Variants in IGF2BP1 observed in about 807,000 individuals in gnomAD.
IGF2BP1 encodes the protein insulin-like growth factor 2 mRNA-binding protein 1.
In IGF2BP1, 11 loss-of-function variants were observed where a neutral mutation model predicts 74.9. The observed-to-expected ratio is 0.15, with a 90% confidence interval of 0.09 to 0.24. IGF2BP1 has a LOEUF of 0.24. Ranked by LOEUF, IGF2BP1 falls within the 10% of genes least tolerant of loss-of-function variation. The probability of loss-of-function intolerance (pLI) is 1.00; values close to 1 mark genes in which losing one functional copy is unlikely to be tolerated. For synonymous variants in IGF2BP1, 287 were observed against 281.8 expected, an observed-to-expected ratio of 1.02 and a Z score of -0.18; for missense variants, 440 against 757.4, an observed-to-expected ratio of 0.58 and a Z score of 4.92.
intron 4 of IGF2BP1, among the ~76,000 whole-genome samples, chr17:49,031,246 T>C (rs2041918110): frequency 6.6e-6 from 1 of 152,170 alleles, no homozygotes; most frequent in Admixed American, 6.5e-5. Context: ...TAGCTGGGAC[T>C]ACAAGGGTGC....
chr17:49,035,432 T>C (rs1307119440), intron 5 of IGF2BP1, among the ~76,000 whole-genome samples: 1 of 152,242 alleles, frequency 6.6e-6, no homozygotes, highest in African/African-American at 2.4e-5. Context: ...TAGTGAGCAA[T>C]AGAACTAAGA....
chr17:48,999,938 G>GTA, intron 2 of IGF2BP1, among the ~76,000 whole-genome samples: 1 of 150,694 alleles, frequency 6.6e-6, no homozygotes, highest in African/African-American at 2.5e-5. Context: ...GTGTGTGTGT[G>GTA]TGTGTGTGTG....
chr17:49,042,993 T>C lies in IGF2BP1; in HGVS notation c.1078-435T>C, dbSNP rs368660100. ...GCCACTGCACACAACTCATCTGATT[T>C]TTAAAGGAGACTTGGGGTTGGGGTA... On this transcript the variant is annotated intron_variant, in intron 9 of 14. Coordinates refer to ENST00000290341, the MANE Select transcript of IGF2BP1 (RefSeq NM_006546.4). Among the ~76,000 whole-genome samples the C allele has an allele frequency of 7.2e-5, 11 of 152,244 alleles. No individual in the cohort carries two copies. In the South Asian group the frequency reaches 1.5e-3, roughly 20 times the overall value.
In IGF2BP1 at chr17:49,007,775, T is replaced by C. The variant is rs1259035426; in HGVS notation, c.236+8606T>C. Among the ~76,000 whole-genome samples, 3 of 152,182 alleles carry C rather than the reference T, an allele frequency of 2.0e-5. No homozygotes were observed. The East Asian group carries it at 5.8e-4, about 29-fold the overall frequency. ...GAGGATGTCTATTCAAAGTTAGAAA[T>C]ATTTATTCTACTTCCTCCTTAAGGT... On this transcript the variant is annotated intron_variant, in intron 2 of 14. Transcript: ENST00000290341.
chr17:49,041,604 C>G (rs1199597674), intron 8 of IGF2BP1, 104 bp downstream of exon 8: 9 of 1,417,262 alleles, frequency 6.4e-6, no homozygotes, highest in Non-Finnish European at 8.7e-6. Flanking sequence ...AAAATGGGTG[C>G]TCCTTCTGCC....
intron 5 of IGF2BP1, among the ~76,000 whole-genome samples, chr17:49,032,943 G>A (rs2041942342): frequency 6.6e-6 from 1 of 152,062 alleles, no homozygotes; most frequent in Non-Finnish European, 1.5e-5. Context: ...AGCCTCCCAA[G>A]TAGGTGGGAC....
At chr17:49,046,748 G>A (rs865901934) in intron 14 of IGF2BP1, among the ~76,000 whole-genome samples, 1 of 151,816 alleles carries the variant, frequency 6.6e-6, no homozygotes, top group Non-Finnish European at 1.5e-5. Flanking sequence ...TTTGTTCATG[G>A]AATAATGATA....
In IGF2BP1 at chr17:49,038,874, A is replaced by ATCTTTT. The variant is rs1491495832; in HGVS notation, c.683+426_683+427insCTTTTT. Among the ~76,000 whole-genome samples, 56 of 75,274 alleles carry ATCTTTT rather than the reference A, an allele frequency of 7.4e-4. 5 individuals carry two copies. The highest frequency in any genetic ancestry group is 2.8e-3 in the African/African-American group (50 of 17,862). 49.4% of individuals were successfully genotyped at this position (75,274 alleles called of 152,430 possible). On this transcript the variant is annotated intron_variant, in intron 6 of 14. Transcript: ENST00000290341. ...CTGCCACTGCCACCTTCTTTCTTTA[A>ATCTTTT]TATTTTTTTTTTTTTTTTTTTGAGA... is the stretch of plus-strand genomic sequence containing the variant.
At chr17:48,996,758 C>T (rs1277397164), upstream of IGF2BP1, among the ~76,000 whole-genome samples, 1 of 152,172 alleles carries the variant, frequency 6.6e-6, no homozygotes, top group Non-Finnish European at 1.5e-5. Context: ...TCCTCGTTCT[C>T]CACTGGGATA....
At chr17:49,000,316 A>C (rs976119273) in intron 2 of IGF2BP1, among the ~76,000 whole-genome samples, 1 of 152,152 alleles carries the variant, frequency 6.6e-6, no homozygotes, top group South Asian at 2.1e-4. Flanking sequence ...GGGACCATTA[A>C]GAGGGCCTAG....
chr17:49,020,791 A>T (rs2144028015), intron 2 of IGF2BP1, among the ~76,000 whole-genome samples: 2 of 152,196 alleles, frequency 1.3e-5, no homozygotes, highest in South Asian at 4.2e-4. Context: ...TTGAAAAGTG[A>T]TTATTTGGCA....
chr17:49,035,736 G>C, intron 5 of IGF2BP1, among the ~76,000 whole-genome samples: 1 of 152,222 alleles, frequency 6.6e-6, no homozygotes, highest in Non-Finnish European at 1.5e-5. Flanking sequence ...CCTTCTAGAA[G>C]TTCCTGCAGG....
Position 49,043,401 on chromosome 17 carries a change from C to T in IGF2BP1, c.1078-27C>T, listed in dbSNP as rs1260875744. On this transcript the variant is annotated intron_variant, in intron 9 of 14. Transcript: ENST00000290341. ...ACAAGCCCCTGTCAGGGTGTGCTGA[C>T]TCTTCCTCCTCATCTTTCTTCCCCA... The T allele has an allele frequency of 1.9e-6, 3 of 1,612,504 alleles. No homozygotes were observed. In the African/African-American group the frequency reaches 4.0e-5, roughly 22 times the overall value.
At chr17:49,035,845 G>A (rs948156077) in intron 5 of IGF2BP1, among the ~76,000 whole-genome samples, 1 of 152,218 alleles carries the variant, frequency 6.6e-6, no homozygotes, top group Non-Finnish European at 1.5e-5. Flanking sequence ...CAGCTTGGTG[G>A]CAGGCGATAG....
chr17:49,041,895 C>T (rs1725057302), intron 8 of IGF2BP1, among the ~76,000 whole-genome samples: 1 of 152,204 alleles, frequency 6.6e-6, no homozygotes, highest in Non-Finnish European at 1.5e-5. Flanking sequence ...TGCTTCGTTT[C>T]ATCAGAGACT....
chr17:49,051,032 C>G lies in IGF2BP1; in HGVS notation c.*1588C>G, dbSNP rs537295024. The G allele has an allele frequency of 6.6e-6, 1 of 152,560 alleles. No homozygotes were observed. Among genetic ancestry groups the G allele is most frequent in the Admixed American group, 6.5e-5 (1 of 15,268 alleles). The allele number at this position is 152,560 out of a possible 1,614,324, so 9.5% of individuals were successfully genotyped here. A position where few individuals can be genotyped will look rare whatever the true frequency, so the allele number is the denominator to read the frequency against. On this transcript the variant is annotated 3_prime_UTR_variant, in exon 15 of 15. Coordinates refer to ENST00000290341, the MANE Select transcript of IGF2BP1 (RefSeq NM_006546.4). ...GCAACAACAGTAACAACAAGACAAC[C>G]GCAACATGTGGGCGTAGTCAGGCAA...
chr17:49,044,532 A>T (rs540182378), intron 11 of IGF2BP1, among the ~76,000 whole-genome samples: 2 of 152,364 alleles, frequency 1.3e-5, no homozygotes, highest in African/African-American at 4.8e-5. Context: ...GGGGAGAGAG[A>T]AGGGAGAATC....
At chr17:49,036,073 C>G (rs927146798) in intron 5 of IGF2BP1, among the ~76,000 whole-genome samples, 1 of 150,278 alleles carries the variant, frequency 6.7e-6, no homozygotes, top group Non-Finnish European at 1.5e-5. Flanking sequence ...GCTGGGCCAA[C>G]TGGTGCGGGG....
intron 4 of IGF2BP1, among the ~76,000 whole-genome samples, chr17:49,030,666 C>T (rs1198917469): frequency 6.6e-6 from 1 of 151,512 alleles, no homozygotes; most frequent in Non-Finnish European, 1.5e-5. Context: ...CGCTCTGTCG[C>T]CCAGGCTGGA....
Sources: gnomAD v4.1 joint callset for allele counts (sites outside exome capture counted in the v4.1 genomes callset) on GRCh38, gnomAD v4.1.1 for gene constraint, MANE v1.5 for transcripts, NCBI Gene and HGNC (gene_info 2026-07-23, HGNC 2026-07-21) for gene names.